The following LINGO2 variants were observed in gnomAD, a reference collection of about 807,000 sequenced individuals.
The protein encoded by LINGO2 is leucine-rich repeat and immunoglobulin-like domain-containing nogo receptor-interacting protein 2.
A neutral mutation model predicts 30.6 loss-of-function variants in LINGO2; 14 were observed. That is an observed-to-expected ratio of 0.46 (90% CI 0.30 to 0.72). LINGO2 has a LOEUF of 0.72. Among genes scored for constraint, LINGO2 ranks in the 30% least tolerant of loss-of-function variants. The probability of loss-of-function intolerance (pLI) is 0.07; values close to 1 mark genes in which losing one functional copy is unlikely to be tolerated. For synonymous variants in LINGO2, 317 were observed against 288.5 expected (o/e 1.10, Z -1.00); for missense variants, 729 against 751.7 (o/e 0.97, Z 0.35).
At chr9:28,769,475 T>C in the LINGO2 span, among the ~76,000 whole-genome samples, 3 of 882 alleles carry the variant, frequency 3.4e-3, no homozygotes, top group Non-Finnish European at 0.011. Flanking sequence ...TATATATATA[T>C]ATATATATAT....
the LINGO2 span, chr9:27,942,811 A>G: frequency 1.3e-5 from 2 of 152,178 alleles, no homozygotes; most frequent in Non-Finnish European, 2.9e-5. Context: ...ACATATTTAT[A>G]TATGTATATA....
the LINGO2 span, among the ~76,000 whole-genome samples, chr9:28,702,682 A>G: frequency 6.6e-6 from 1 of 151,784 alleles, no homozygotes; most frequent in Non-Finnish European, 1.5e-5. Flanking sequence ...CTTCACTTTT[A>G]TTTTCTGGAA....
At chr9:28,829,354 G>A in the LINGO2 span, among the ~76,000 whole-genome samples, 2 of 152,084 alleles carry the variant, frequency 1.3e-5, no homozygotes, top group Admixed American at 1.3e-4. Context: ...CCTGGACAAC[G>A]GACAAGAACT....
the LINGO2 span, among the ~76,000 whole-genome samples, chr9:28,996,171 C>G: frequency 6.6e-6 from 1 of 150,436 alleles, no homozygotes; most frequent in Non-Finnish European, 1.5e-5. Flanking sequence ...AACTGTTCGG[C>G]CATCTAAGAT....
the LINGO2 span, among the ~76,000 whole-genome samples, chr9:28,735,628 AT>A: frequency 6.6e-6 from 1 of 152,138 alleles, no homozygotes; most frequent in Non-Finnish European, 1.5e-5. Flanking sequence ...AATAGTAAAC[AT>A]TTTTATATGT....
chr9:28,878,953 C>T, the LINGO2 span, among the ~76,000 whole-genome samples: 1 of 152,154 alleles, frequency 6.6e-6, no homozygotes, highest in Non-Finnish European at 1.5e-5. Flanking sequence ...TCTCTCACCA[C>T]TCCTATTCAA....
chr9:28,358,440 G>A (rs545610450), intron 3 of LINGO2, among the ~76,000 whole-genome samples: 1 of 152,080 alleles, frequency 6.6e-6, no homozygotes, highest in African/African-American at 2.4e-5. Context: ...GTCACAAATG[G>A]AGAGAATAAT....
the LINGO2 span, among the ~76,000 whole-genome samples, chr9:29,178,100 G>T: frequency 2.9e-4 from 44 of 151,110 alleles, no homozygotes; most frequent in South Asian, 1.3e-3. Context: ...TTGTTGCCCA[G>T]ACTAGAGTGC....
the LINGO2 span, among the ~76,000 whole-genome samples, chr9:28,871,296 G>C: frequency 6.6e-6 from 1 of 151,236 alleles, no homozygotes; most frequent in Admixed American, 6.6e-5. Context: ...AATTGAAAAT[G>C]AAATTAAACA....
chr9:28,393,047 A>G (rs548087022), intron 2 of LINGO2, among the ~76,000 whole-genome samples: 1 of 152,362 alleles, frequency 6.6e-6, no homozygotes, highest in African/African-American at 2.4e-5. Flanking sequence ...AATCCCTCAG[A>G]AAAAGTCTCT....
At chr9:28,848,393 G>GTATATATATATA in the LINGO2 span, among the ~76,000 whole-genome samples, 3 of 67,206 alleles carry the variant, frequency 4.5e-5, no homozygotes, top group Non-Finnish European at 8.0e-5. Context: ...GTGTGTGTGT[G>GTATATATATATA]TGTGTATATA....
chr9:28,086,452 C>G (rs1414194416), intron 4 of LINGO2, among the ~76,000 whole-genome samples: 2 of 151,978 alleles, frequency 1.3e-5, no homozygotes, highest in African/African-American at 4.8e-5. Context: ...TTCCAAACAC[C>G]TGCAATAAGC....
chr9:28,906,692 C>A, the LINGO2 span, among the ~76,000 whole-genome samples: 1 of 151,834 alleles, frequency 6.6e-6, no homozygotes, highest in Admixed American at 6.6e-5. Flanking sequence ...CTGCTCCATT[C>A]CGATTACTGT....
At chr9:28,962,078 G>T in the LINGO2 span, among the ~76,000 whole-genome samples, 2 of 152,134 alleles carry the variant, frequency 1.3e-5, no homozygotes, top group Non-Finnish European at 2.9e-5. Flanking sequence ...TTTGGTTTCA[G>T]ACATTAAAGA....
At position 28,605,441 on chromosome 9, in the gene LINGO2, T is replaced by C. The variant is rs941082793; in HGVS notation, c.-365+64759A>G. On this transcript the variant is annotated intron_variant, in intron 1 of 5. Coordinates refer to ENST00000379992, the Ensembl canonical transcript of LINGO2. ...TGTTAATTCCCTGCTTAGTTTGTCT[T>C]TTCCTCTTATTTATTTCTTGTTTCT... 8.6e-5 allele frequency among the ~76,000 whole-genome samples: 13 copies of C among 152,040 alleles called. No individual in the cohort carries two copies. In the East Asian group the frequency reaches 2.5e-3, roughly 29 times the overall value.
chr9:28,496,427 T>G (rs1240429178), intron 1 of LINGO2, among the ~76,000 whole-genome samples: 1 of 151,364 alleles, frequency 6.6e-6, no homozygotes, highest in Non-Finnish European at 1.5e-5. Flanking sequence ...GCCTTCTTTG[T>G]CTCTTTTGAT....
At chr9:28,481,184 A>T (rs1477133113) in intron 1 of LINGO2, among the ~76,000 whole-genome samples, 1 of 152,160 alleles carries the variant, frequency 6.6e-6, no homozygotes, top group Non-Finnish European at 1.5e-5. Flanking sequence ...CAAATTCATA[A>T]TGCAAAAGTG....
In LINGO2 at chr9:28,142,930, A is replaced by G. The variant is rs144963212; in HGVS notation, c.-86-130525T>C. Among the ~76,000 whole-genome samples the G allele has an allele frequency of 1.5e-3, 235 of 152,324 alleles. 2 individuals are homozygous for G. The highest frequency in any genetic ancestry group is 5.1e-4 in the Non-Finnish European group (35 of 68,022). On this transcript the variant is annotated intron_variant, in intron 4 of 5. Transcript: ENST00000379992. ...GTTTAGTTGGCAGTCAATTCTCATTATAAATCAACTTCCTATGCTGGTCTA... is the reference window on the plus strand; with the variant it reads ...GTTTAGTTGGCAGTCAATTCTCATTGTAAATCAACTTCCTATGCTGGTCTA...
rs1337321024 is a variant in LINGO2 at position 28,148,096 on chromosome 9, C to A, written c.-86-135691G>T. 1.8e-6 allele frequency: 2 copies of A among 1,115,468 alleles called. No homozygotes were observed. The highest frequency in any genetic ancestry group is 1.6e-5 in the African/African-American group (1 of 62,064). The allele number at this position is 1,115,468 out of a possible 1,614,324, so 69.1% of individuals were successfully genotyped here. A position where few individuals can be genotyped will look rare whatever the true frequency, so the allele number is the denominator to read the frequency against. ...AGGCCTTCCCAGCTGGCCGGGCTAA[C>A]CCCGCGGCTCCTGCACCTGTGCCTG... On this transcript the variant is annotated intron_variant, in intron 4 of 5. Coordinates refer to ENST00000379992, the Ensembl canonical transcript of LINGO2. This position sits in a 1 kb window ranked among gnomAD's most constrained non-coding sequence, Gnocchi z 5.1.
Sources: allele counts gnomAD v4.1 joint callset (sites outside exome capture counted in the v4.1 genomes callset), GRCh38; gene constraint gnomAD v4.1.1; non-coding constraint Gnocchi (gnomAD v3.1); transcripts MANE v1.5; gene names NCBI Gene and HGNC (gene_info 2026-07-23, HGNC 2026-07-21).